KCNMA1: variants seen among roughly 807,000 people sequenced by gnomAD.
KCNMA1 encodes potassium calcium-activated channel subfamily M alpha 1, also known as Calcium-activated potassium channel subunit alpha-1.
Under a neutral mutation model 140.0 loss-of-function variants are expected in KCNMA1, and 29 were observed. That is an observed-to-expected ratio of 0.21 (90% CI 0.15 to 0.28). KCNMA1 has a LOEUF of 0.28. KCNMA1 is among the 10% of genes least tolerant of loss of function. KCNMA1 has a pLI of 1.00. For synonymous variants in KCNMA1, 612 were observed against 611.9 expected (o/e 1.00, Z 0.00); for missense variants, 880 against 1,602.2 (o/e 0.55, Z 7.70).
intron 2 of KCNMA1, among the ~76,000 whole-genome samples, chr10:77,304,003 T>C (rs2077103556): frequency 1.3e-5 from 2 of 152,182 alleles, no homozygotes; most frequent in Non-Finnish European, 2.9e-5. Flanking sequence ...TGGACAGATG[T>C]TTTCATGCCT....
chr10:77,523,248 T>C (rs1233690352), intron 1 of KCNMA1, among the ~76,000 whole-genome samples: 1 of 144,696 alleles, frequency 6.9e-6, no homozygotes, highest in African/African-American at 2.6e-5. Context: ...TAGTAGGTGC[T>C]TAATAAATAG....
intron 23 of KCNMA1, among the ~76,000 whole-genome samples, chr10:76,921,861 A>G (rs1242336338): frequency 1.3e-5 from 2 of 152,350 alleles, no homozygotes; most frequent in South Asian, 2.1e-4. Context: ...ATTTTTTCAC[A>G]GTAGTTTTCA....
intron 1 of KCNMA1, among the ~76,000 whole-genome samples, chr10:77,556,342 T>G (rs1033680309): frequency 1.1e-3 from 168 of 151,658 alleles, no homozygotes; most frequent in African/African-American, 3.9e-3. Context: ...CCATCTCTGC[T>G]GAAAATACAA....
At chr10:77,089,580 A>T (rs139618139) in intron 10 of KCNMA1, among the ~76,000 whole-genome samples, 1 of 152,340 alleles carries the variant, frequency 6.6e-6, no homozygotes, top group Non-Finnish European at 1.5e-5. Context: ...ATACAAGATA[A>T]GACCTACCTC....
At chr10:76,979,046 G>T (rs1419973058) in intron 19 of KCNMA1, among the ~76,000 whole-genome samples, 1 of 152,140 alleles carries the variant, frequency 6.6e-6, no homozygotes. Context: ...CAGGGCAAAA[G>T]CTTCTCTCAC....
At chr10:77,369,729 G>A (rs1482235087) in intron 2 of KCNMA1, among the ~76,000 whole-genome samples, 1 of 152,120 alleles carries the variant, frequency 6.6e-6, no homozygotes, top group African/African-American at 2.4e-5. Context: ...TCTCTTTTTG[G>A]AAGTCTCTCT....
intron 14 of KCNMA1, among the ~76,000 whole-genome samples, chr10:77,068,066 T>C (rs2096026273): frequency 6.6e-6 from 1 of 152,240 alleles, no homozygotes; most frequent in African/African-American, 2.4e-5. Flanking sequence ...ACCAGTTTGC[T>C]TGGGTTTGAA....
At chr10:76,952,032 C>T (rs2066457068) in intron 21 of KCNMA1, 2 of 1,551,934 alleles carry the variant, frequency 1.3e-6, no homozygotes, top group Non-Finnish European at 1.7e-6. Flanking sequence ...GAAGTAGTAA[C>T]TCACCTCCTT....
At chr10:77,260,326 A>G (rs1312399112) in intron 2 of KCNMA1, among the ~76,000 whole-genome samples, 1 of 152,146 alleles carries the variant, frequency 6.6e-6, no homozygotes, top group Non-Finnish European at 1.5e-5. Flanking sequence ...AGAGAGAGGA[A>G]GGATTTGGTC....
intron 2 of KCNMA1, among the ~76,000 whole-genome samples, chr10:77,313,323 T>C (rs1392561101): frequency 6.6e-6 from 1 of 152,156 alleles, no homozygotes; most frequent in Non-Finnish European, 1.5e-5. Flanking sequence ...AAGGAATCAA[T>C]ATACAACAGT....
At chr10:77,394,563 A>G (rs2095970028) in intron 2 of KCNMA1, among the ~76,000 whole-genome samples, 1 of 152,144 alleles carries the variant, frequency 6.6e-6, no homozygotes, top group African/African-American at 2.4e-5. Context: ...ATTCTCAGAC[A>G]TATTCTCCTG....
At position 77,108,504 on chromosome 10, in the gene KCNMA1, G is replaced by A; in HGVS notation, c.1200C>T (p.Ser400=). The change falls in exon 9 of 28, where the codon TCC becomes TCT. Residue 400 remains serine, a synonymous_variant. Coordinates refer to ENST00000286628, the MANE Select transcript of KCNMA1 (RefSeq NM_001161352.2). The surrounding 1 kb of genome is among the most constrained non-coding windows in gnomAD (Gnocchi z 4.6). ...ACTTTCTTCCACTAACCGCACTATA[G>A]GAGCCCCCGTATTTCTTGCGGTTTC... is the stretch of plus-strand genomic sequence containing the variant. ...LIGNRKKYGG[S]YSAVSGRKHI... 1 of 1,613,742 alleles carries A rather than the reference G, an allele frequency of 6.2e-7. No individual in the cohort carries two copies. Among genetic ancestry groups the A allele is most frequent in the African/African-American group, 1.3e-5 (1 of 74,974 alleles).
chr10:77,001,192 T>C (rs911159101), intron 19 of KCNMA1, among the ~76,000 whole-genome samples: 2 of 152,062 alleles, frequency 1.3e-5, no homozygotes, highest in South Asian at 4.1e-4. Flanking sequence ...TGCATGCTGT[T>C]ACGAGAAGCG....
chr10:77,493,336 G>A (rs1208695061), intron 1 of KCNMA1, among the ~76,000 whole-genome samples: 3 of 152,264 alleles, frequency 2.0e-5, no homozygotes, highest in Admixed American at 6.5e-5. Flanking sequence ...CTGAGGGCCA[G>A]GGCCTGGTGG....
chr10:76,918,788 A>G (rs2152482995), intron 23 of KCNMA1, among the ~76,000 whole-genome samples: 1 of 152,158 alleles, frequency 6.6e-6, no homozygotes, highest in East Asian at 1.9e-4. Flanking sequence ...ATACTTGCAC[A>G]CGAATGTTTA....
intron 9 of KCNMA1, among the ~76,000 whole-genome samples, chr10:77,098,477 C>T (rs767930018): frequency 5.9e-5 from 9 of 152,052 alleles, no homozygotes; most frequent in Non-Finnish European, 1.3e-4. Flanking sequence ...CGAGTTTCCA[C>T]TTCCTCAGTG....
At chr10:76,940,818 G>A (rs1348889519) in intron 23 of KCNMA1, among the ~76,000 whole-genome samples, 9 of 151,324 alleles carry the variant, frequency 5.9e-5, no homozygotes, top group East Asian at 3.9e-4. Context: ...AAAATTAGCC[G>A]GGTGTGGCAG....
rs186790615 is a variant in KCNMA1 at position 76,947,118 on chromosome 10, T to C, written c.2709+2024A>G. 4.9e-3 allele frequency among the ~76,000 whole-genome samples: 750 copies of C among 152,188 alleles called. 6 individuals carry two copies. Among genetic ancestry groups the C allele is most frequent in the Non-Finnish European group, 8.1e-3 (548 of 67,992 alleles). ...GGGAGGCCGAGGTGGGTGGATCACC[T>C]GAGGTCAGGAGTTTGCAACCATCCT... On this transcript the variant is annotated intron_variant, in intron 22 of 27. Coordinates refer to ENST00000286628, the MANE Select transcript of KCNMA1 (RefSeq NM_001161352.2).
At chr10:76,935,851 G>T (rs1457170113) in intron 23 of KCNMA1, among the ~76,000 whole-genome samples, 1 of 152,176 alleles carries the variant, frequency 6.6e-6, no homozygotes, top group African/African-American at 2.4e-5. Context: ...AGGAAAAGAT[G>T]ATTCTGTCTG....
Sources: allele counts gnomAD v4.1 joint callset (sites outside exome capture counted in the v4.1 genomes callset), GRCh38; gene constraint gnomAD v4.1.1; non-coding constraint Gnocchi (gnomAD v3.1); transcripts MANE v1.5; gene names NCBI Gene and HGNC (gene_info 2026-07-23, HGNC 2026-07-21).